ZBTB44: variants seen among roughly 807,000 people sequenced by gnomAD.
ZBTB44 encodes zinc finger and BTB domain-containing protein 44.
ZBTB44 carries 15 observed loss-of-function variants against 54.0 expected under a neutral mutation model. The observed-to-expected ratio is 0.28, with a 90% CI of 0.19 to 0.43. ZBTB44 has a LOEUF of 0.43. ZBTB44 is among the 20% of genes least tolerant of loss of function. ZBTB44 has a pLI of 1.00. For missense variants in ZBTB44, 487 were observed against 707.1 expected (o/e 0.69, Z 3.53); for synonymous variants, 230 against 250.1 (o/e 0.92, Z 0.76).
intron 1 of ZBTB44, among the ~76,000 whole-genome samples, chr11:130,275,444 G>C (rs1247446511): frequency 6.6e-6 from 1 of 152,166 alleles, no homozygotes; most frequent in East Asian, 1.9e-4. Flanking sequence ...CTCCCAAAGT[G>C]CTGAGATTAA....
chr11:130,306,296 A>G lies in ZBTB44; in HGVS notation c.-57+8079T>C, dbSNP rs1288528327. 3.3e-5 allele frequency among the ~76,000 whole-genome samples: 5 copies of G among 152,220 alleles called. No individual in the cohort carries two copies. The East Asian group carries it at 7.7e-4, about 24-fold the overall frequency. On this transcript the variant is annotated intron_variant, in intron 1 of 7. Coordinates refer to ENST00000357899, the MANE Select transcript of ZBTB44 (RefSeq NM_001301098.2). ...GGTGGGCGGATCACCTGAGGTCGGGAGTTCGAGACCAGCCTGACCAACATG... is the reference window on the plus strand; with the variant it reads ...GGTGGGCGGATCACCTGAGGTCGGGGGTTCGAGACCAGCCTGACCAACATG...
chr11:130,275,320 C>T (rs920123591), intron 1 of ZBTB44, among the ~76,000 whole-genome samples: 2 of 152,070 alleles, frequency 1.3e-5, no homozygotes, highest in African/African-American at 4.8e-5. Flanking sequence ...CATTTTTATT[C>T]ACCATAGAAC....
At chr11:130,313,453 AATT>A (rs1418806600) in intron 1 of ZBTB44, among the ~76,000 whole-genome samples, 2 of 152,186 alleles carry the variant, frequency 1.3e-5, no homozygotes, top group African/African-American at 4.8e-5. Context: ...CATTAGGTAA[AATT>A]ATTATTAATC....
chr11:130,299,367 T>C (rs183251018), intron 1 of ZBTB44, among the ~76,000 whole-genome samples: 1 of 151,910 alleles, frequency 6.6e-6, no homozygotes, highest in Admixed American at 6.6e-5. Context: ...AAATAAGGAA[T>C]CAACAAAGGA....
At chr11:130,250,586 G>A (rs1452776984) in intron 2 of ZBTB44, among the ~76,000 whole-genome samples, 3 of 152,286 alleles carry the variant, frequency 2.0e-5, no homozygotes, top group African/African-American at 7.2e-5. Context: ...GGAAGCAGCA[G>A]GCAGCAATCT....
chr11:130,301,374 C>G (rs547295343), intron 1 of ZBTB44, among the ~76,000 whole-genome samples: 1 of 152,244 alleles, frequency 6.6e-6, no homozygotes, highest in East Asian at 1.9e-4. Flanking sequence ...CACGTGGAGG[C>G]CGAGTATGCT....
chr11:130,279,220 T>C (rs915121959), intron 1 of ZBTB44, among the ~76,000 whole-genome samples: 5 of 150,664 alleles, frequency 3.3e-5, no homozygotes, highest in Non-Finnish European at 7.4e-5. Context: ...CATTTTTGGG[T>C]ACGCCCACAG....
At chr11:130,248,170 A>G (rs1937683571) in intron 2 of ZBTB44, among the ~76,000 whole-genome samples, 1 of 152,222 alleles carries the variant, frequency 6.6e-6, no homozygotes, top group South Asian at 2.1e-4. Flanking sequence ...AAATACTCTT[A>G]TGGAACTTAC....
At position 130,226,724 on chromosome 11, in the gene ZBTB44, A is replaced by C. The variant is rs1953705140; in HGVS notation, c.*5040T>G. The C allele has an allele frequency of 6.6e-6, 1 of 152,224 alleles. No homozygotes were observed. The highest frequency in any genetic ancestry group is 1.5e-5 in the Non-Finnish European group (1 of 68,044). The allele number at this position is 152,224 out of a possible 1,614,324, so 9.4% of individuals were successfully genotyped here. ...TATTTTAATGAGAAAACGAAAACAAAATCAAACCTTAGTCTCATGTTTCTA... is the reference window on the plus strand; with the variant it reads ...TATTTTAATGAGAAAACGAAAACAACATCAAACCTTAGTCTCATGTTTCTA... On this transcript the variant is annotated 3_prime_UTR_variant, in exon 8 of 8. Transcript: ENST00000357899.
chr11:130,251,090 G>C (rs1937961661), intron 2 of ZBTB44, among the ~76,000 whole-genome samples: 2 of 152,148 alleles, frequency 1.3e-5, no homozygotes, highest in Admixed American at 1.3e-4. Context: ...CCCGTTTACG[G>C]AAGAACATAA....
intron 7 of ZBTB44, chr11:130,233,016 A>G (rs2509707): frequency 1.6e-4 from 31 of 189,788 alleles, no homozygotes; most frequent in Middle Eastern, 2.0e-3. Context: ...AAAAAAAAAG[A>G]AAAAAAAAAA....
At chr11:130,235,611 T>C (rs1954074044) in intron 5 of ZBTB44, among the ~76,000 whole-genome samples, 1 of 151,812 alleles carries the variant, frequency 6.6e-6, no homozygotes, top group South Asian at 2.1e-4. Flanking sequence ...ATTGTGTCTA[T>C]GAACAGCCAC....
Position 130,300,353 on chromosome 11 carries a change from A to C in ZBTB44, c.-57+14022T>G, listed in dbSNP as rs567980794. On this transcript the variant is annotated intron_variant, in intron 1 of 7. Coordinates refer to ENST00000357899, the MANE Select transcript of ZBTB44 (RefSeq NM_001301098.2). ...ATTTCACCACACACACACACACACA[A>C]ATCAATGGTCTATGTGTCTACCTTA... is the stretch of plus-strand genomic sequence containing the variant. Among the ~76,000 whole-genome samples, 3 of 151,866 alleles carry C rather than the reference A, an allele frequency of 2.0e-5. No individual in the cohort carries two copies. The South Asian group carries it at 6.2e-4, about 32-fold the overall frequency.
intron 1 of ZBTB44, among the ~76,000 whole-genome samples, chr11:130,262,741 A>C (rs908564245): frequency 6.8e-6 from 1 of 147,894 alleles, no homozygotes; most frequent in Admixed American, 6.7e-5. Flanking sequence ...AGTGGAAAGA[A>C]AAAAAAAAAG....
At chr11:130,250,900 C>T (rs1441957343) in intron 2 of ZBTB44, among the ~76,000 whole-genome samples, 1 of 152,156 alleles carries the variant, frequency 6.6e-6, no homozygotes, top group African/African-American at 2.4e-5. Context: ...ATGACTGCAA[C>T]TCCTCTCCAG....
At chr11:130,287,706 AT>A (rs1412319310) in intron 1 of ZBTB44, among the ~76,000 whole-genome samples, 2 of 152,210 alleles carry the variant, frequency 1.3e-5, no homozygotes, top group Non-Finnish European at 2.9e-5. Flanking sequence ...GGAAATAATG[AT>A]TGGAGAAATG....
intron 1 of ZBTB44, among the ~76,000 whole-genome samples, chr11:130,281,424 G>A (rs1310778764): frequency 6.6e-6 from 1 of 151,996 alleles, no homozygotes; most frequent in Non-Finnish European, 1.5e-5. Flanking sequence ...GAAAGCTAAG[G>A]TGGGAGGATG....
intron 1 of ZBTB44, among the ~76,000 whole-genome samples, chr11:130,309,630 T>C (rs1002289576): frequency 2.6e-5 from 4 of 152,064 alleles, no homozygotes; most frequent in African/African-American, 9.7e-5. Context: ...TTCCAGCACT[T>C]TAGGAGGCCA....
chr11:130,293,697 G>T (rs1356115407), intron 1 of ZBTB44, among the ~76,000 whole-genome samples: 1 of 151,904 alleles, frequency 6.6e-6, no homozygotes, highest in Non-Finnish European at 1.5e-5. Flanking sequence ...TTGGGAGGTT[G>T]AGGCAGGAGA....
Sources: allele counts gnomAD v4.1 joint callset (sites outside exome capture counted in the v4.1 genomes callset), GRCh38; gene constraint gnomAD v4.1.1; transcripts MANE v1.5; gene names NCBI Gene and HGNC (gene_info 2026-07-23, HGNC 2026-07-21).